TRIM44: variants seen among roughly 807,000 people sequenced by gnomAD.
The protein encoded by TRIM44 is tripartite motif-containing protein 44.
In TRIM44, 13 loss-of-function variants were observed where a neutral mutation model predicts 37.4. The observed-to-expected ratio is 0.35, with a 90% CI of 0.23 to 0.55. TRIM44 has a LOEUF of 0.55. Among genes scored for constraint, TRIM44 ranks in the 20% least tolerant of loss-of-function variants. The probability of loss-of-function intolerance (pLI) is 0.89; values close to 1 mark genes in which losing one functional copy is unlikely to be tolerated. For missense variants in TRIM44, 426 were observed against 437.2 expected, an observed-to-expected ratio of 0.97 and a Z score of 0.23; for synonymous variants, 175 against 157.2, an observed-to-expected ratio of 1.11 and a Z score of -0.85.
intron 4 of TRIM44, among the ~76,000 whole-genome samples, chr11:35,799,939 C>T (rs1258983221): frequency 6.6e-6 from 1 of 152,082 alleles, no homozygotes; most frequent in Non-Finnish European, 1.5e-5. Flanking sequence ...TTTTTAAGAC[C>T]CATGATGAAA....
intron 3 of TRIM44, among the ~76,000 whole-genome samples, chr11:35,729,182 T>C (rs1025693841): frequency 6.6e-6 from 1 of 151,342 alleles, no homozygotes; most frequent in Admixed American, 6.6e-5. Flanking sequence ...AAAAAAAAAA[T>C]ACCCAAGAAA....
chr11:35,726,257 G>T, intron 3 of TRIM44, 94 bp downstream of exon 3: 1 of 1,487,458 alleles, frequency 6.7e-7, no homozygotes, highest in South Asian at 1.3e-5. Flanking sequence ...GAACGTGAAT[G>T]AATTGAAGTC....
At chr11:35,779,228 C>T (rs1029577808) in intron 4 of TRIM44, among the ~76,000 whole-genome samples, 6 of 152,342 alleles carry the variant, frequency 3.9e-5, no homozygotes, top group African/African-American at 1.4e-4. Context: ...GCTCTGTGGG[C>T]ATGGGACCCT....
intron 2 of TRIM44, among the ~76,000 whole-genome samples, chr11:35,721,672 A>G (rs995046763): frequency 6.6e-6 from 1 of 152,212 alleles, no homozygotes. Flanking sequence ...TTTCATTCTC[A>G]ATACCCCATT....
chr11:35,772,082 A>T (rs1476590140), intron 4 of TRIM44, among the ~76,000 whole-genome samples: 1 of 152,178 alleles, frequency 6.6e-6, no homozygotes, highest in African/African-American at 2.4e-5. Flanking sequence ...GCCAACGTAG[A>T]GCTCGGGCCT....
intron 4 of TRIM44, among the ~76,000 whole-genome samples, chr11:35,754,597 T>C (rs2133855174): frequency 6.6e-6 from 1 of 152,232 alleles, no homozygotes; most frequent in East Asian, 1.9e-4. Context: ...GTTGGTGTGC[T>C]GCACCCAGTA....
chr11:35,783,652 T>A (rs920857399), intron 4 of TRIM44, among the ~76,000 whole-genome samples: 2 of 152,152 alleles, frequency 1.3e-5, no homozygotes, highest in African/African-American at 4.8e-5. Context: ...TAGGGACGCC[T>A]TGTGTGTGTG....
At chr11:35,797,770 A>G (rs538235471) in intron 4 of TRIM44, among the ~76,000 whole-genome samples, 5 of 152,302 alleles carry the variant, frequency 3.3e-5, no homozygotes, top group African/African-American at 1.2e-4. Context: ...CAGAGCCGAG[A>G]GGAGCCTATG....
chr11:35,796,030 C>G (rs78949936), intron 4 of TRIM44, among the ~76,000 whole-genome samples: 2 of 152,174 alleles, frequency 1.3e-5, no homozygotes, highest in South Asian at 4.1e-4. Context: ...CAAAATCACA[C>G]AGCTAGTAAG....
chr11:35,722,238 T>G (rs912097226), intron 2 of TRIM44, among the ~76,000 whole-genome samples: 1 of 152,256 alleles, frequency 6.6e-6, no homozygotes, highest in Non-Finnish European at 1.5e-5. Context: ...CTTCAAACTC[T>G]ATTTCATGCA....
chr11:35,707,225 C>T (rs1431946618), intron 2 of TRIM44, among the ~76,000 whole-genome samples: 2 of 152,152 alleles, frequency 1.3e-5, no homozygotes, highest in Non-Finnish European at 2.9e-5. Flanking sequence ...AGGACCTCTT[C>T]AAGGAGAACT....
At chr11:35,693,088 A>G (rs886343944) in intron 2 of TRIM44, among the ~76,000 whole-genome samples, 1 of 152,160 alleles carries the variant, frequency 6.6e-6, no homozygotes, top group Non-Finnish European at 1.5e-5. Flanking sequence ...AATAAGTGAC[A>G]TAAAGAAATC....
chr11:35,712,852 G>A (rs1248336335), intron 2 of TRIM44, among the ~76,000 whole-genome samples: 1 of 152,104 alleles, frequency 6.6e-6, no homozygotes, highest in East Asian at 1.9e-4. Context: ...ACTTTATTGT[G>A]ATAATAGTGA....
At chr11:35,797,147 A>C (rs1422906127) in intron 4 of TRIM44, among the ~76,000 whole-genome samples, 1 of 152,170 alleles carries the variant, frequency 6.6e-6, no homozygotes, top group Non-Finnish European at 1.5e-5. Context: ...AAAACAAAAA[A>C]CCAGAAAACC....
chr11:35,789,222 A>G (rs1590602168), intron 4 of TRIM44, among the ~76,000 whole-genome samples: 2 of 152,240 alleles, frequency 1.3e-5, no homozygotes, highest in South Asian at 4.2e-4. Context: ...AGACCTATGC[A>G]CCTCATGCTA....
At chr11:35,794,527 C>T (rs1853256495) in intron 4 of TRIM44, among the ~76,000 whole-genome samples, 1 of 152,240 alleles carries the variant, frequency 6.6e-6, no homozygotes, top group African/African-American at 2.4e-5. Context: ...CCATCCTTTA[C>T]TCATACGGCT....
intron 4 of TRIM44, among the ~76,000 whole-genome samples, chr11:35,793,829 A>G (rs1383141152): frequency 6.6e-6 from 1 of 152,094 alleles, no homozygotes; most frequent in Non-Finnish European, 1.5e-5. Flanking sequence ...GGACCTTGGG[A>G]TGTTACTTCC....
chr11:35,724,954 A>G (rs1852153173), intron 2 of TRIM44, among the ~76,000 whole-genome samples: 1 of 152,160 alleles, frequency 6.6e-6, no homozygotes, highest in Non-Finnish European at 1.5e-5. Context: ...TGCGTATATT[A>G]AGAGATATAG....
At chr11:35,742,800 A>ATTC (rs1181307334) in intron 4 of TRIM44, among the ~76,000 whole-genome samples, 1 of 140,936 alleles carries the variant, frequency 7.1e-6, no homozygotes, top group Non-Finnish European at 1.5e-5. Context: ...TTATATTAAT[A>ATTC]TATTAAATAT....
Sources: gnomAD v4.1 joint callset for allele counts (sites outside exome capture counted in the v4.1 genomes callset) on GRCh38, gnomAD v4.1.1 for gene constraint, MANE v1.5 for transcripts, NCBI Gene and HGNC (gene_info 2026-07-23, HGNC 2026-07-21) for gene names.